Variants in CCSER2 observed in about 807,000 individuals in gnomAD.
The protein encoded by CCSER2 is serine-rich coiled-coil domain-containing protein 2.
In CCSER2, 46 loss-of-function variants were observed where a neutral mutation model predicts 92.3. That is an observed-to-expected ratio of 0.50 (90% CI 0.39 to 0.64). The LOEUF is 0.64. CCSER2 is among the 30% of genes least tolerant of loss of function. CCSER2 has a pLI of 0.00. For missense variants in CCSER2, 1,244 were observed against 1,238.9 expected (o/e 1.00, Z -0.06); for synonymous variants, 433 against 431.4 (o/e 1.00, Z -0.04).
chr10:84,332,273 G>A (rs1291383885), intron 1 of CCSER2, among the ~76,000 whole-genome samples: 1 of 151,028 alleles, frequency 6.6e-6, no homozygotes, highest in East Asian at 1.9e-4. Context: ...TTTGTCCATC[G>A]TCCATAAATT....
At chr10:84,502,911 G>A (rs1388453770) in intron 9 of CCSER2, among the ~76,000 whole-genome samples, 1 of 152,056 alleles carries the variant, frequency 6.6e-6, no homozygotes, top group African/African-American at 2.4e-5. Flanking sequence ...GGCCAGCAGT[G>A]TTCAAACTGC....
At chr10:84,474,655 T>A in intron 8 of CCSER2, among the ~76,000 whole-genome samples, 1 of 102,072 alleles carries the variant, frequency 9.8e-6, no homozygotes, top group East Asian at 3.2e-4. Context: ...AGAGCAAGAC[T>A]CCATCTCAAA....
chr10:84,470,579 A>G (rs1846731606), intron 8 of CCSER2, 121 bp downstream of exon 8: 1 of 762,196 alleles, frequency 1.3e-6, no homozygotes, highest in South Asian at 2.8e-5. Flanking sequence ...GCACTTTTAT[A>G]TTATTTTTAG....
intron 6 of CCSER2, among the ~76,000 whole-genome samples, chr10:84,457,336 T>TA (rs1845767130): frequency 1.8e-5 from 1 of 54,504 alleles, no homozygotes; most frequent in Non-Finnish European, 3.3e-5. Context: ...TATAATATAT[T>TA]ATATATTATA....
At chr10:84,449,866 C>CA (rs925045403) in intron 6 of CCSER2, among the ~76,000 whole-genome samples, 2 of 152,060 alleles carry the variant, frequency 1.3e-5, no homozygotes, top group African/African-American at 4.8e-5. Flanking sequence ...AACAAACAAA[C>CA]AAAAAACACA....
At chr10:84,512,636 C>T (rs933599086) in intron 9 of CCSER2, among the ~76,000 whole-genome samples, 2 of 152,088 alleles carry the variant, frequency 1.3e-5, no homozygotes, top group Non-Finnish European at 2.9e-5. Context: ...GCACACAGAC[C>T]CTAAGAACCT....
chr10:84,425,172 C>T (rs1843363109), intron 4 of CCSER2: 5 of 985,024 alleles, frequency 5.1e-6, no homozygotes, highest in Non-Finnish European at 6.0e-6. Flanking sequence ...GCATTTTAGA[C>T]TTTTTGAACA....
intron 6 of CCSER2, chr10:84,455,630 G>C: frequency 1.6e-6 from 1 of 623,924 alleles, no homozygotes; most frequent in South Asian, 1.6e-5. Context: ...GACCTTTTTT[G>C]AACTGCCTTC....
chr10:84,490,492 A>C (rs926822606), intron 9 of CCSER2, among the ~76,000 whole-genome samples: 3 of 151,950 alleles, frequency 2.0e-5, no homozygotes, highest in Admixed American at 2.0e-4. Flanking sequence ...CATTCATTTG[A>C]TCTTCAATCA....
chr10:84,367,538 G>T (rs543381457), intron 1 of CCSER2, among the ~76,000 whole-genome samples: 2 of 151,682 alleles, frequency 1.3e-5, no homozygotes, highest in South Asian at 2.1e-4. Flanking sequence ...CACCATGCCT[G>T]GCTAATTCTT....
At chr10:84,499,984 T>C (rs1848641501) in intron 9 of CCSER2, 1 of 1,613,978 alleles carries the variant, frequency 6.2e-7, no homozygotes, top group South Asian at 1.1e-5. Flanking sequence ...CTCACTCCTA[T>C]CCTGCTCTGG....
chr10:84,403,883 G>A (rs1842244444), intron 3 of CCSER2, among the ~76,000 whole-genome samples: 1 of 152,180 alleles, frequency 6.6e-6, no homozygotes, highest in African/African-American at 2.4e-5. Flanking sequence ...AATTGGGCTG[G>A]AAAAAGCCTC....
chr10:84,329,464 C>T (rs1843441980), intron 1 of CCSER2, among the ~76,000 whole-genome samples: 1 of 152,142 alleles, frequency 6.6e-6, no homozygotes, highest in Non-Finnish European at 1.5e-5. Flanking sequence ...CTGGCTGCTC[C>T]CAGACAAGGC....
rs746353548 is a variant in CCSER2 at position 84,514,242 on chromosome 10, G to A, written c.3119G>A (p.Arg1040His). The A allele has an allele frequency of 2.8e-5, 43 of 1,535,878 alleles. No homozygotes were observed. In the Middle Eastern group the frequency reaches 6.7e-4, roughly 24 times the overall value. ...TGTTTGGCCTCTAATCGATATTCTC[G>A]TCTTCCTAAACCAAAGATACATTAA... ...GDCLASNRYS[R>H]LPKPKIH is the part of the protein sequence containing the mutation. Residue 1040 changes from arginine to histidine, a missense_variant, in exon 10 of 10, where the codon CGT (arginine) becomes CAT (histidine). Coordinates refer to ENST00000372088, the MANE Select transcript of CCSER2 (RefSeq NM_001284240.2).
chr10:84,346,310 T>TA (rs1844474237), intron 1 of CCSER2, among the ~76,000 whole-genome samples: 1 of 151,994 alleles, frequency 6.6e-6, no homozygotes, highest in Admixed American at 6.6e-5. Flanking sequence ...GTGATCCGCC[T>TA]ACCTTGGCCT....
intron 9 of CCSER2, among the ~76,000 whole-genome samples, chr10:84,491,467 C>T (rs1194994108): frequency 6.6e-6 from 1 of 152,170 alleles, no homozygotes; most frequent in African/African-American, 2.4e-5. Context: ...GCCTTGCTGC[C>T]ACCTTGCAGT....
At chr10:84,487,807 C>T (rs191140064) in intron 9 of CCSER2, among the ~76,000 whole-genome samples, 5 of 152,316 alleles carry the variant, frequency 3.3e-5, no homozygotes, top group African/African-American at 9.6e-5. Flanking sequence ...AAGGGCATCC[C>T]TGTCTTGTGC....
chr10:84,422,482 A>T (rs1373251793), intron 4 of CCSER2, among the ~76,000 whole-genome samples: 1 of 152,122 alleles, frequency 6.6e-6, no homozygotes, highest in East Asian at 1.9e-4. Flanking sequence ...TGCTAATCAC[A>T]CTTTTTTCTT....
At chr10:84,494,977 C>CTT (rs770775993) in intron 9 of CCSER2, among the ~76,000 whole-genome samples, 5 of 122,640 alleles carry the variant, frequency 4.1e-5, no homozygotes, top group Admixed American at 8.0e-5. Context: ...CTGATGTCTG[C>CTT]TTTTTTTTTT....
Sources: gnomAD v4.1 joint callset for allele counts (sites outside exome capture counted in the v4.1 genomes callset) on GRCh38, gnomAD v4.1.1 for gene constraint, MANE v1.5 for transcripts, NCBI Gene and HGNC (gene_info 2026-07-23, HGNC 2026-07-21) for gene names.